The following PHF1 variants were observed in gnomAD, a reference collection of about 807,000 sequenced individuals.
PHF1 encodes polycomb-like 1.
PHF1 carries 16 observed loss-of-function variants against 69.4 expected under a neutral mutation model. That is an observed-to-expected ratio of 0.23 (90% CI 0.16 to 0.35). The LOEUF (loss-of-function observed/expected upper bound fraction) is 0.35, where lower values mean the gene tolerates loss of function less well. Ranked by LOEUF, PHF1 falls within the 10% of genes least tolerant of loss-of-function variation. PHF1 has a pLI of 1.00. For synonymous variants in PHF1, 274 were observed against 275.0 expected, an observed-to-expected ratio of 1.00 and a Z score of 0.04; for missense variants, 515 against 732.8, an observed-to-expected ratio of 0.70 and a Z score of 3.43.
At chr6:33,413,022 C>T (rs1452063220) in intron 4 of PHF1, 174 bp from the exon 5 acceptor site, 4 of 718,468 alleles carry the variant, frequency 5.6e-6, no homozygotes, top group Non-Finnish European at 7.2e-6. Context: ...CATATGACCT[C>T]GGACAAGTCC....
Position 33,414,308 on chromosome 6 carries a change from T to C in PHF1, c.818T>C (p.Phe273Ser). ...SVCCKKKYFDFDREILPFTSE... is the reference protein window; with the variant it reads ...SVCCKKKYFDSDREILPFTSE... ...TGCTGTAAGAAGAAATACTTTGATT[T>C]TGATCGTGAGATCCTCCCCTTCACT... Residue 273 changes from phenylalanine to serine, a missense_variant, in exon 9 of 15, where the codon TTT (phenylalanine) becomes TCT (serine). Coordinates refer to ENST00000374516, the MANE Select transcript of PHF1 (RefSeq NM_024165.3). This position sits in a 1 kb window ranked among gnomAD's most constrained non-coding sequence, Gnocchi z 5.0. The C allele has an allele frequency of 6.2e-7, 1 of 1,614,196 alleles. No homozygotes were observed. Among genetic ancestry groups the C allele is most frequent in the Non-Finnish European group, 8.5e-7 (1 of 1,180,042 alleles).
At position 33,414,009 on chromosome 6, in the gene PHF1, A is replaced by G. The variant is rs749793990; in HGVS notation, c.684-32A>G. 6.2e-7 allele frequency: 1 copy of G among 1,612,910 alleles called. No individual in the cohort carries two copies. Among genetic ancestry groups the G allele is most frequent in the Non-Finnish European group, 8.5e-7 (1 of 1,179,408 alleles). On this transcript the variant is annotated intron_variant, in intron 7 of 14. Coordinates refer to ENST00000374516, the MANE Select transcript of PHF1 (RefSeq NM_024165.3). The surrounding 1 kb of genome is among the most constrained non-coding windows in gnomAD (Gnocchi z 5.0). ...AGGGGATGGCACAGTTTTCCTGTGT[A>G]AGTGTGTTTGCTCCCTCTTGCCCAT...
chr6:33,414,374 G>GT lies in PHF1; in HGVS notation c.876+9dup. On this transcript the variant is annotated intron_variant, in intron 9 of 14. Coordinates refer to ENST00000374516, the MANE Select transcript of PHF1 (RefSeq NM_024165.3). This position sits in a 1 kb window ranked among gnomAD's most constrained non-coding sequence, Gnocchi z 5.0. The stretch of plus-strand genomic sequence containing the variant: ...AGTTTGCTCCTGGGGGAGGTAAGGG[G>GT]TAGTGCAGTTTTGGGGGTTGGGATG... The GT allele has an allele frequency of 6.2e-7, 1 of 1,613,966 alleles. No individual in the cohort carries two copies. The highest frequency in any genetic ancestry group is 8.5e-7 in the Non-Finnish European group (1 of 1,179,924).
chr6:33,416,041 A>G lies in PHF1; in HGVS notation c.1647A>G (p.Val549=). ...GDPVRVLARR[V]RPDGSVQYLV... ...CTGTCCGGGTCCTTGCTCGGAGAGTACGGCCTGATGGCTCTGTGCAGTACC... is the reference window on the plus strand; with the variant it reads ...CTGTCCGGGTCCTTGCTCGGAGAGTGCGGCCTGATGGCTCTGTGCAGTACC... The change falls in exon 15 of 15, where the codon GTA becomes GTG. Residue 549 remains valine, a synonymous_variant. Coordinates refer to ENST00000374516, the MANE Select transcript of PHF1 (RefSeq NM_024165.3). The G allele has an allele frequency of 6.2e-7, 1 of 1,609,414 alleles. No homozygotes were observed. Among genetic ancestry groups the G allele is most frequent in the Non-Finnish European group, 8.5e-7 (1 of 1,177,208 alleles).
intron 1 of PHF1, among the ~76,000 whole-genome samples, chr6:33,411,463 A>C (rs1342189798): frequency 1.3e-5 from 2 of 152,158 alleles, no homozygotes; most frequent in Non-Finnish European, 2.9e-5. Flanking sequence ...ATAACCTGGC[A>C]CCAGGATGAT....
intron 4 of PHF1, 23 bp from the exon 5 acceptor site, chr6:33,413,173 G>A: frequency 6.3e-7 from 1 of 1,589,146 alleles, no homozygotes; most frequent in Non-Finnish European, 8.6e-7. Context: ...TATGCAATAA[G>A]TGGTCTACTA....
At chr6:33,413,116 T>C in intron 4 of PHF1, 80 bp from the exon 5 acceptor site, 1 of 1,219,986 alleles carries the variant, frequency 8.2e-7, no homozygotes, top group Admixed American at 1.7e-5. Context: ...AGGGATTAAA[T>C]GAGATGGGTA....
chr6:33,415,388 G>A lies in PHF1; in HGVS notation c.1334+59G>A, dbSNP rs980759859. ...TGCTCCCAATTATTCACATCTTCTG[G>A]ACTTTATCACCCAGAATTCTTTTCC... On this transcript the variant is annotated intron_variant, in intron 13 of 14. Transcript: ENST00000374516. 234 of 1,405,926 alleles carry A rather than the reference G, an allele frequency of 1.7e-4. 2 individuals carry two copies. Among genetic ancestry groups the A allele is most frequent in the Middle Eastern group, 9.8e-4 (4 of 4,088 alleles). The allele number at this position is 1,405,926 out of a possible 1,614,324, so 87.1% of individuals were successfully genotyped here. A position where few individuals can be genotyped will look rare whatever the true frequency, so the allele number is the denominator to read the frequency against.
Position 33,414,817 on chromosome 6 carries a change from G to A in PHF1, c.1037G>A (p.Gly346Glu). ...PPPVEPPTGD[G>E]ALTSFPSGQG... ...CCTGTGGAGCCCCCTACTGGAGATG[G>A]AGCACTCACCAGGTCACTGGTCCAG... Residue 346 changes from glycine to glutamate, a missense_variant, in exon 11 of 15, where the codon GGA becomes GAA. Gly to Glu is a moderately conservative substitution (Grantham distance 98). Coordinates refer to ENST00000374516, the MANE Select transcript of PHF1 (RefSeq NM_024165.3). The surrounding 1 kb of genome is among the most constrained non-coding windows in gnomAD (Gnocchi z 5.0). 3 of 1,613,156 alleles carry A rather than the reference G, an allele frequency of 1.9e-6. No individual in the cohort carries two copies. Among genetic ancestry groups the A allele is most frequent in the Non-Finnish European group, 2.5e-6 (3 of 1,179,438 alleles).
In PHF1 at chr6:33,412,162, AG is replaced by A; in HGVS notation, c.-16-84del. On this transcript the variant is annotated intron_variant, in intron 1 of 14. Coordinates refer to ENST00000374516, the MANE Select transcript of PHF1 (RefSeq NM_024165.3). The surrounding 1 kb of genome is among the most constrained non-coding windows in gnomAD (Gnocchi z 4.2). ...GGGCGACAGAGCAAAACTCCATCTC[AG>A]GAAAAAAAAAAAAAAAAGAAAAAGA... 1.0e-6 allele frequency: 1 copy of A among 964,000 alleles called. No individual in the cohort carries two copies. Among genetic ancestry groups the A allele is most frequent in the East Asian group, 2.6e-5 (1 of 38,188 alleles). The allele number at this position is 964,000 out of a possible 1,614,324, so 59.7% of individuals were successfully genotyped here. A position where few individuals can be genotyped will look rare whatever the true frequency, so the allele number is the denominator to read the frequency against.
intron 14 of PHF1, 60 bp from the exon 15 acceptor site, chr6:33,415,750 C>A (rs541063428): frequency 5.0e-6 from 8 of 1,603,284 alleles, no homozygotes; most frequent in Non-Finnish European, 6.8e-6. Context: ...AACACTGTTT[C>A]TCTGATTCAC....
chr6:33,416,197 G>A lies in PHF1; in HGVS notation c.*99G>A. 3 of 1,074,666 alleles carry A rather than the reference G, an allele frequency of 2.8e-6. No individual in the cohort carries two copies. The highest frequency in any genetic ancestry group is 3.1e-5 in the African/African-American group (2 of 63,576). 66.6% of individuals were successfully genotyped at this position (1,074,666 alleles called of 1,614,324 possible). Reference sequence around the variant, plus strand: ...AGCTGGGATGTACCTGGAGAGATAGGGGGTAGTTCTCCCTACTGCCCAGGC... The same window carrying A: ...AGCTGGGATGTACCTGGAGAGATAGAGGGTAGTTCTCCCTACTGCCCAGGC... On this transcript the variant is annotated 3_prime_UTR_variant, in exon 15 of 15. Coordinates refer to ENST00000374516, the MANE Select transcript of PHF1 (RefSeq NM_024165.3).
Position 33,412,303 on chromosome 6 carries a change from T to C in PHF1, c.40T>C (p.Ser14Pro). ...CCGGCTGAGCCGCTCTGGTGCCTCC[T>C]CACTTTGGGACCCAGCTTCTCCTGC... ...PPRLSRSGASSLWDPASPAPT... is the reference protein window; with the variant it reads ...PPRLSRSGASPLWDPASPAPT... The change falls in exon 2 of 15, where the codon TCA becomes CCA. Residue 14 changes from serine to proline, a missense_variant. This residue lies in a region of PHF1 where 52 missense variants were observed against 48.2 expected (regional missense o/e 1.08). Coordinates refer to ENST00000374516, the MANE Select transcript of PHF1 (RefSeq NM_024165.3). The surrounding 1 kb of genome is among the most constrained non-coding windows in gnomAD (Gnocchi z 4.2). The C allele has an allele frequency of 6.2e-7, 1 of 1,614,142 alleles. No homozygotes were observed.
chr6:33,415,724 A>C, intron 14 of PHF1, 54 bp downstream of exon 14: 1 of 1,609,314 alleles, frequency 6.2e-7, no homozygotes, highest in South Asian at 1.1e-5. Context: ...CTATGTGCTC[A>C]AGGCTCTTAG....
intron 1 of PHF1, among the ~76,000 whole-genome samples, chr6:33,411,885 G>A (rs1018678757): frequency 5.3e-5 from 8 of 152,164 alleles, no homozygotes; most frequent in East Asian, 1.9e-4. Flanking sequence ...GAGGCTGGCC[G>A]GGCCCGGTGG....
intron 5 of PHF1, 23 bp downstream of exon 5, chr6:33,413,319 C>T: frequency 6.2e-7 from 1 of 1,611,504 alleles, no homozygotes; most frequent in Non-Finnish European, 8.5e-7. Flanking sequence ...CCCTGTTACC[C>T]TTCCTGTGGG....
chr6:33,415,689 T>G lies in PHF1; in HGVS notation c.1415+19T>G. The G allele has an allele frequency of 6.2e-7, 1 of 1,612,256 alleles. No individual in the cohort carries two copies. The highest frequency in any genetic ancestry group is 8.5e-7 in the Non-Finnish European group (1 of 1,178,346). ...CAGACAGGTGAGATTCTGTCTTCTATTACCAGTGATGCTCTTCTTCCCCTC... is the reference window on the plus strand; with the variant it reads ...CAGACAGGTGAGATTCTGTCTTCTAGTACCAGTGATGCTCTTCTTCCCCTC... On this transcript the variant is annotated intron_variant, in intron 14 of 14. Coordinates refer to ENST00000374516, the MANE Select transcript of PHF1 (RefSeq NM_024165.3).
In PHF1 at chr6:33,413,207, G is replaced by T. The variant is rs763045540; in HGVS notation, c.349G>T (p.Asp117Tyr). 6.2e-7 allele frequency: 1 copy of T among 1,614,040 alleles called. No individual in the cohort carries two copies. Among genetic ancestry groups the T allele is most frequent in the Non-Finnish European group, 8.5e-7 (1 of 1,179,942 alleles). The part of the protein sequence containing the change: ...CEKCRHAYHQ[D>Y]CHVPRAPAPG... ...TATTATCACTGCAGCTTATCACCAG[G>T]ACTGCCATGTTCCCAGGGCTCCAGC... The change falls in exon 5 of 15, where the codon GAC becomes TAC. Residue 117 changes from aspartate (D) to tyrosine (Y), a missense_variant. Physicochemically the swap from Asp to Tyr is radical, Grantham distance 160. Transcript: ENST00000374516.
intron 7 of PHF1, 51 bp from the exon 8 acceptor site, chr6:33,413,990 T>C: frequency 4.4e-6 from 7 of 1,608,244 alleles, no homozygotes; most frequent in Non-Finnish European, 5.1e-6. Flanking sequence ...TTCCAGGGGA[T>C]GGCACAGTTT....
Sources: gnomAD v4.1 joint callset for allele counts (sites outside exome capture counted in the v4.1 genomes callset) on GRCh38, gnomAD v4.1.1 for gene constraint, gnomAD v4.1.1 regional missense constraint, Gnocchi (gnomAD v3.1) non-coding constraint, MANE v1.5 for transcripts, NCBI Gene and HGNC (gene_info 2026-07-23, HGNC 2026-07-21) for gene names.